TENM4: variants seen among roughly 807,000 people sequenced by gnomAD.
TENM4 encodes the protein teneurin transmembrane protein 4, also known as teneurin-4.
TENM4 carries 82 observed loss-of-function variants against 243.3 expected under a neutral mutation model. The observed-to-expected ratio is 0.34, with a 90% CI of 0.28 to 0.40. The LOEUF is 0.40. TENM4 is among the 10% of genes least tolerant of loss of function. The pLI, the probability that TENM4 is intolerant of heterozygous loss-of-function variation, is 1.00. For synonymous variants in TENM4, 1,412 were observed against 1,456.3 expected (o/e 0.97, Z 0.69); for missense variants, 3,138 against 3,673.3 (o/e 0.85, Z 3.77).
intron 12 of TENM4, among the ~76,000 whole-genome samples, chr11:78,820,270 TAC>T (rs1260720093): frequency 6.6e-6 from 1 of 152,242 alleles, no homozygotes; most frequent in African/African-American, 2.4e-5. Context: ...GTCACCATTT[TAC>T]AGTCTTAGAT....
At chr11:79,330,448 T>A (rs1857043822) in intron 1 of TENM4, among the ~76,000 whole-genome samples, 1 of 152,124 alleles carries the variant, frequency 6.6e-6, no homozygotes, top group Non-Finnish European at 1.5e-5. Context: ...GGCCCTGGGC[T>A]CTCTGAGAGT....
intron 9 of TENM4, among the ~76,000 whole-genome samples, chr11:78,875,778 G>A (rs1458327917): frequency 6.6e-6 from 1 of 152,350 alleles, no homozygotes; most frequent in East Asian, 1.9e-4. Flanking sequence ...GGATAAGTAA[G>A]ACTGTTGAAG....
chr11:78,980,972 G>A (rs1197318952), intron 6 of TENM4, among the ~76,000 whole-genome samples: 3 of 152,206 alleles, frequency 2.0e-5, no homozygotes, highest in South Asian at 4.1e-4. Flanking sequence ...TACATGGCAT[G>A]AAAGGTGTAG....
chr11:79,064,714 G>A (rs779827673), intron 6 of TENM4, 24 bp downstream of exon 6: 4 of 1,551,184 alleles, frequency 2.6e-6, no homozygotes, highest in Non-Finnish European at 3.5e-6. Context: ...CAGGCACCCG[G>A]CACAGACCAA....
intron 1 of TENM4, among the ~76,000 whole-genome samples, chr11:79,350,940 T>C (rs1261908237): frequency 6.6e-6 from 1 of 152,108 alleles, no homozygotes; most frequent in Non-Finnish European, 1.5e-5. Flanking sequence ...TCCAAGATTC[T>C]ATGTGGCCTG....
intron 2 of TENM4, among the ~76,000 whole-genome samples, chr11:79,274,962 T>C (rs1315162529): frequency 6.6e-6 from 1 of 152,134 alleles, no homozygotes; most frequent in East Asian, 1.9e-4. Context: ...CTCAGGGGAA[T>C]CCTGGAAGCA....
intron 6 of TENM4, among the ~76,000 whole-genome samples, chr11:79,006,396 A>G (rs1214558524): frequency 2.0e-5 from 3 of 152,220 alleles, no homozygotes; most frequent in Admixed American, 2.0e-4. Context: ...TGATATACGC[A>G]GATCTAAATG....
intron 6 of TENM4, among the ~76,000 whole-genome samples, chr11:79,047,594 A>G (rs1859690396): frequency 6.6e-6 from 1 of 152,130 alleles, no homozygotes; most frequent in Non-Finnish European, 1.5e-5. Context: ...TTTGTCTCAG[A>G]GCTCTTAGGC....
chr11:78,963,768 G>A (rs1169811003), intron 6 of TENM4, among the ~76,000 whole-genome samples: 1 of 141,622 alleles, frequency 7.1e-6, no homozygotes, highest in Non-Finnish European at 1.5e-5. Context: ...GTCTCACTCT[G>A]TCACCCAGGC....
chr11:79,434,344 T>C (rs1859228535), intron 1 of TENM4, among the ~76,000 whole-genome samples: 1 of 152,056 alleles, frequency 6.6e-6, no homozygotes, highest in African/African-American at 2.4e-5. Flanking sequence ...AACTGTTTGC[T>C]TTGTAAGATC....
At chr11:79,309,367 C>T (rs1315587874) in intron 1 of TENM4, among the ~76,000 whole-genome samples, 5 of 152,098 alleles carry the variant, frequency 3.3e-5, no homozygotes, top group East Asian at 1.9e-4. Flanking sequence ...GTCCTCATCC[C>T]ATCCTGGCCC....
chr11:79,049,923 G>T (rs912592885), intron 6 of TENM4, among the ~76,000 whole-genome samples: 1 of 152,214 alleles, frequency 6.6e-6, no homozygotes, highest in African/African-American at 2.4e-5. Context: ...TTTGTCCCAT[G>T]AACCTTTTCC....
chr11:78,759,168 C>T (rs776192218), intron 18 of TENM4, among the ~76,000 whole-genome samples: 14 of 152,160 alleles, frequency 9.2e-5, no homozygotes, highest in Non-Finnish European at 1.5e-4. Context: ...CATTGACCTG[C>T]ATCCTAACTT....
At position 79,291,957 on chromosome 11, in the gene TENM4, G is replaced by A. The variant is rs1305815841; in HGVS notation, c.-265+5531C>T. Among the ~76,000 whole-genome samples, 3 of 152,274 alleles carry A rather than the reference G, an allele frequency of 2.0e-5. No homozygotes were observed. In the East Asian group the frequency reaches 5.8e-4, roughly 29 times the overall value. On this transcript the variant is annotated intron_variant, in intron 2 of 33. Transcript: ENST00000278550. ...TGCAAATTGAGCCCTGGTGCTGGCA[G>A]GAGTCAGGGATCAGAATCCTAGTCC...
intron 6 of TENM4, among the ~76,000 whole-genome samples, chr11:79,004,472 C>T (rs1182422432): frequency 6.6e-6 from 1 of 152,114 alleles, no homozygotes; most frequent in Non-Finnish European, 1.5e-5. Flanking sequence ...TGCACAAAAC[C>T]ATACAATTAC....
intron 6 of TENM4, among the ~76,000 whole-genome samples, chr11:79,023,663 A>G (rs1056260432): frequency 2.0e-5 from 3 of 152,114 alleles, no homozygotes; most frequent in Admixed American, 6.6e-5. Context: ...TATCTGCTTC[A>G]CTGTTAATTA....
At chr11:78,936,426 C>T (rs1856785564) in intron 6 of TENM4, among the ~76,000 whole-genome samples, 1 of 152,164 alleles carries the variant, frequency 6.6e-6, no homozygotes, top group African/African-American at 2.4e-5. Flanking sequence ...CAATTAACTC[C>T]TTAACTAATA....
Position 79,126,426 on chromosome 11 carries a change from G to A in TENM4, c.-66+22284C>T, listed in dbSNP as rs563893563. Among the ~76,000 whole-genome samples the A allele has an allele frequency of 1.7e-4, 26 of 152,304 alleles. No individual in the cohort carries two copies. The South Asian group carries it at 5.4e-3, about 32-fold the overall frequency. On this transcript the variant is annotated intron_variant, in intron 4 of 33. Transcript: ENST00000278550. Reference sequence around the variant, plus strand: ...CAACTACAAAATTTAAATATAGTGGGAATAATTGGATCCCAAGGTGGCAGG... The same window carrying A: ...CAACTACAAAATTTAAATATAGTGGAAATAATTGGATCCCAAGGTGGCAGG...
chr11:78,813,004 G>A (rs1039539000), intron 13 of TENM4, among the ~76,000 whole-genome samples: 9 of 152,092 alleles, frequency 5.9e-5, no homozygotes, highest in East Asian at 3.8e-4. Flanking sequence ...TTTTTTACAC[G>A]TGACTCTTAA....
Sources: gnomAD v4.1 joint callset for allele counts (sites outside exome capture counted in the v4.1 genomes callset) on GRCh38, gnomAD v4.1.1 for gene constraint, MANE v1.5 for transcripts, NCBI Gene and HGNC (gene_info 2026-07-23, HGNC 2026-07-21) for gene names.